DSCAML1: variants seen among roughly 807,000 people sequenced by gnomAD.
DSCAML1 encodes cell adhesion molecule DSCAML1.
In DSCAML1, 38 loss-of-function variants were observed where a neutral mutation model predicts 200.5. The observed-to-expected ratio is 0.19, with a 90% confidence interval of 0.15 to 0.25. The LOEUF (loss-of-function observed/expected upper bound fraction) is 0.25. Among genes scored for constraint, DSCAML1 ranks in the 10% least tolerant of loss-of-function variants. The probability of loss-of-function intolerance (pLI) is 1.00; values close to 1 mark genes in which losing one functional copy is unlikely to be tolerated. For synonymous variants in DSCAML1, 1,215 were observed against 1,165.0 expected (o/e 1.04, Z -0.87); for missense variants, 2,223 against 2,858.8 (o/e 0.78, Z 5.07).
intron 5 of DSCAML1, among the ~76,000 whole-genome samples, chr11:117,522,215 C>T (rs990645697): frequency 6.6e-6 from 1 of 152,170 alleles, no homozygotes; most frequent in Non-Finnish European, 1.5e-5. Context: ...TTCCAGGAAG[C>T]CTTCCTGGAC....
chr11:117,595,059 T>TACACACACACAC (rs374932790), intron 3 of DSCAML1, among the ~76,000 whole-genome samples: 18,479 of 143,660 alleles, frequency 0.13, 1,260 homozygotes, highest in Middle Eastern at 0.16. Context: ...GTCTTTCTCT[T>TACACACACACAC]ACACACACAC....
At chr11:117,644,455 A>G (rs1332502769) in intron 3 of DSCAML1, among the ~76,000 whole-genome samples, 7 of 152,236 alleles carry the variant, frequency 4.6e-5, no homozygotes, top group Non-Finnish European at 1.0e-4. Context: ...ACATCCACGC[A>G]TGTGAGCTGG....
chr11:117,443,753 C>G (rs2048118027), intron 21 of DSCAML1, 133 bp downstream of exon 21: 1 of 1,263,650 alleles, frequency 7.9e-7, no homozygotes, highest in South Asian at 1.5e-5. Context: ...GGGAGGCAGG[C>G]GGGTGGCCAG....
At chr11:117,617,916 ACTGT>A (rs932053929) in intron 3 of DSCAML1, among the ~76,000 whole-genome samples, 3 of 152,186 alleles carry the variant, frequency 2.0e-5, no homozygotes, top group African/African-American at 7.2e-5. Context: ...TGAAGGACAC[ACTGT>A]CTGTCCATGC....
At chr11:117,702,604 G>T (rs74833570) in intron 3 of DSCAML1, among the ~76,000 whole-genome samples, 1,939 of 152,152 alleles carry the variant, frequency 0.013, 23 homozygotes, top group Middle Eastern at 0.044. Context: ...CTATGTCTTA[G>T]ATCACATTGC....
chr11:117,799,893 C>A (rs773018781), upstream of DSCAML1, among the ~76,000 whole-genome samples: 13 of 152,316 alleles, frequency 8.5e-5, no homozygotes, highest in Non-Finnish European at 1.6e-4. Flanking sequence ...AGGACCTTGA[C>A]CTGTGGGAAC....
intron 3 of DSCAML1, among the ~76,000 whole-genome samples, chr11:117,679,718 T>C (rs2053279663): frequency 6.6e-6 from 1 of 152,166 alleles, no homozygotes; most frequent in African/African-American, 2.4e-5. Context: ...TTCCCTTGGA[T>C]TCCTGGGGAG....
intron 3 of DSCAML1, among the ~76,000 whole-genome samples, chr11:117,615,132 C>A (rs1353844509): frequency 6.6e-6 from 1 of 152,164 alleles, no homozygotes; most frequent in South Asian, 2.1e-4. Flanking sequence ...CCTGGGAGGG[C>A]CAGTTGAGTC....
chr11:117,594,364 ACT>A lies in DSCAML1; in HGVS notation c.512-61844_512-61843del, dbSNP rs543101635. Among the ~76,000 whole-genome samples, 26 of 152,308 alleles carry A rather than the reference ACT, an allele frequency of 1.7e-4. No homozygotes were observed. In the East Asian group the frequency reaches 4.4e-3, roughly 26 times the overall value. On this transcript the variant is annotated intron_variant, in intron 3 of 32. Coordinates refer to ENST00000651296, the MANE Select transcript of DSCAML1 (RefSeq NM_020693.4). ...TGAAATGCCAGTAGATCCCTCAGTC[ACT>A]CTGACACCCAAGTATTCTCCCCTCT...
intron 3 of DSCAML1, among the ~76,000 whole-genome samples, chr11:117,593,554 G>A (rs1463922699): frequency 6.6e-6 from 1 of 152,240 alleles, no homozygotes; most frequent in Admixed American, 6.5e-5. Flanking sequence ...CAGAGGCCGG[G>A]ACAGCACTGC....
chr11:117,506,064 C>T (rs1259050517), intron 8 of DSCAML1, among the ~76,000 whole-genome samples: 3 of 152,232 alleles, frequency 2.0e-5, no homozygotes, highest in Non-Finnish European at 2.9e-5. Flanking sequence ...CTCGGCACCC[C>T]TGTACCCACC....
intron 12 of DSCAML1, 46 bp downstream of exon 12, chr11:117,481,917 C>T (rs1484000686): frequency 1.9e-6 from 3 of 1,608,996 alleles, no homozygotes; most frequent in Admixed American, 1.7e-5. Flanking sequence ...GGGCTCCCCA[C>T]TCTCTGAGAG....
intron 3 of DSCAML1, among the ~76,000 whole-genome samples, chr11:117,712,014 A>G (rs1044343192): frequency 6.6e-6 from 1 of 152,240 alleles, no homozygotes; most frequent in African/African-American, 2.4e-5. Context: ...ATATTCGTTT[A>G]GAAAATTGCT....
rs544239685 is a variant in DSCAML1 at position 117,690,576 on chromosome 11, A to G, written c.511+86215T>C. Among the ~76,000 whole-genome samples the G allele has an allele frequency of 4.6e-5, 7 of 152,346 alleles. No homozygotes were observed. The East Asian group carries it at 1.3e-3, about 29-fold the overall frequency. ...AGCTATCTGCATTTATTTTACAGAC[A>G]GGACATGAGGTTCAGAGAGGTAGTG... is the stretch of plus-strand genomic sequence containing the variant. On this transcript the variant is annotated intron_variant, in intron 3 of 32. Coordinates refer to ENST00000651296, the MANE Select transcript of DSCAML1 (RefSeq NM_020693.4).
intron 1 of DSCAML1, among the ~76,000 whole-genome samples, chr11:117,781,291 G>GAAAAA (rs57780075): frequency 1.7e-5 from 2 of 118,532 alleles, no homozygotes; most frequent in Non-Finnish European, 1.7e-5. Context: ...ACTCTGTCTC[G>GAAAAA]AAAAAAAAAA....
intron 3 of DSCAML1, among the ~76,000 whole-genome samples, chr11:117,633,049 C>A (rs934711956): frequency 6.6e-6 from 1 of 152,196 alleles, no homozygotes; most frequent in Non-Finnish European, 1.5e-5. Flanking sequence ...AACCCTGGGA[C>A]ACTGTCACCT....
rs1000214711 is a variant in DSCAML1, at chr11:117,645,450, T to C, written c.512-112928A>G. 2.0e-5 allele frequency among the ~76,000 whole-genome samples: 3 copies of C among 152,122 alleles called. No homozygotes were observed. In the East Asian group the frequency reaches 5.8e-4, roughly 29 times the overall value. On this transcript the variant is annotated intron_variant, in intron 3 of 32. Coordinates refer to ENST00000651296, the MANE Select transcript of DSCAML1 (RefSeq NM_020693.4). ...GATTTTGTGAGACATTTTTTCTTTA[T>C]TATGAAATATTTCAAATCTGCGGAC...
intron 3 of DSCAML1, among the ~76,000 whole-genome samples, chr11:117,587,024 G>A (rs538053361): frequency 7.9e-5 from 12 of 152,198 alleles, no homozygotes; most frequent in East Asian, 7.7e-4. Context: ...ATACCAACAC[G>A]TCAGCTCTTC....
rs115660043 is a variant in DSCAML1, at chr11:117,608,083, G to A, written c.512-75561C>T. 8.1e-3 allele frequency among the ~76,000 whole-genome samples: 1,228 copies of A among 152,262 alleles called. 16 individuals are homozygous for A. The highest frequency in any genetic ancestry group is 0.028 in the African/African-American group (1,167 of 41,530). On this transcript the variant is annotated intron_variant, in intron 3 of 32. Transcript: ENST00000651296. The stretch of plus-strand genomic sequence containing the variant: ...AATTCTGACCCATGACATGTGTCTT[G>A]AGACCCATTGTGTAAGGACACTGGG...
Sources: allele counts gnomAD v4.1 joint callset (sites outside exome capture counted in the v4.1 genomes callset), GRCh38; gene constraint gnomAD v4.1.1; transcripts MANE v1.5; gene names NCBI Gene and HGNC (gene_info 2026-07-23, HGNC 2026-07-21).